TBL1XR1: variants seen among roughly 807,000 people sequenced by gnomAD.
The protein encoded by TBL1XR1 is TBL1X/Y related 1.
TBL1XR1 carries 5 observed loss-of-function variants against 66.9 expected under a neutral mutation model. The observed-to-expected ratio is 0.07, with a 90% CI of 0.04 to 0.16. The LOEUF (loss-of-function observed/expected upper bound fraction) is 0.16. TBL1XR1 is among the 10% of genes least tolerant of loss of function. The pLI is 1.00. For missense variants in TBL1XR1, 238 were observed against 623.2 expected (o/e 0.38, Z 6.58); for synonymous variants, 210 against 206.0 (o/e 1.02, Z -0.17).
rs1488128914 is a variant in TBL1XR1, at chr3:177,197,316, C to G, written c.-317G>C. On this transcript the variant is annotated 5_prime_UTR_variant, in exon 1 of 16. Transcript: ENST00000457928. Reference sequence around the variant, plus strand: ...GGGCGGGCGGGGGCGGGGAGCGCGGCGCGGGTCCCCAGGTGGCGAGCGGAG... The same window carrying G: ...GGGCGGGCGGGGGCGGGGAGCGCGGGGCGGGTCCCCAGGTGGCGAGCGGAG... 2 of 142,556 alleles carry G rather than the reference C, an allele frequency of 1.4e-5. No individual in the cohort carries two copies. The highest frequency in any genetic ancestry group is 5.1e-5 in the African/African-American group (2 of 38,886). 8.8% of individuals were successfully genotyped at this position (142,556 alleles called of 1,614,324 possible). A position where few individuals can be genotyped will look rare whatever the true frequency, so the allele number is the denominator to read the frequency against.
At chr3:177,102,387 ATTT>A (rs949615236) in intron 1 of TBL1XR1, among the ~76,000 whole-genome samples, 1 of 152,090 alleles carries the variant, frequency 6.6e-6, no homozygotes, top group Non-Finnish European at 1.5e-5. Context: ...GCAGGACCAT[ATTT>A]TTTTATTTCT....
At chr3:177,073,768 C>T (rs1019670864) in intron 2 of TBL1XR1, among the ~76,000 whole-genome samples, 6 of 152,098 alleles carry the variant, frequency 3.9e-5, no homozygotes, top group South Asian at 2.1e-4. Context: ...GAAGGTGTAG[C>T]GGAGTGTGGA....
intron 1 of TBL1XR1, among the ~76,000 whole-genome samples, chr3:177,115,527 A>G (rs1303535099): frequency 6.6e-6 from 1 of 152,046 alleles, no homozygotes; most frequent in African/African-American, 2.4e-5. Context: ...TCCTTTGTCC[A>G]CCACAACCGC....
In TBL1XR1 at chr3:177,171,573, G is replaced by A. The variant is rs573256672; in HGVS notation, c.-122+25548C>T. On this transcript the variant is annotated intron_variant, in intron 1 of 15. Transcript: ENST00000457928. ...ATTAACCAGGTGTGGTGTGGTGGCG[G>A]GCGCCTGTAGTCCCAGCTACTCGGG... 1.6e-3 allele frequency among the ~76,000 whole-genome samples: 235 copies of A among 149,350 alleles called. 1 individual carries two copies. The highest frequency in any genetic ancestry group is 2.0e-3 in the Non-Finnish European group (137 of 67,142).
chr3:177,069,144 A>G (rs1719546802), intron 2 of TBL1XR1, among the ~76,000 whole-genome samples: 1 of 152,210 alleles, frequency 6.6e-6, no homozygotes, highest in Non-Finnish European at 1.5e-5. Context: ...AGTCTCCTCT[A>G]CTTCTAAACT....
chr3:177,044,809 C>A (rs777241677), intron 10 of TBL1XR1: 1 of 152,096 alleles, frequency 6.6e-6, no homozygotes, highest in Non-Finnish European at 1.5e-5. Flanking sequence ...AGAAAGAGCA[C>A]CATCTCCAAC....
At chr3:177,095,221 G>A (rs1009364345) in intron 2 of TBL1XR1, among the ~76,000 whole-genome samples, 1 of 152,016 alleles carries the variant, frequency 6.6e-6, no homozygotes, top group Non-Finnish European at 1.5e-5. Flanking sequence ...GGAGAGGGGG[G>A]TGTTGGGAAC....
chr3:177,100,914 G>A (rs1290967077), intron 1 of TBL1XR1, among the ~76,000 whole-genome samples: 1 of 149,804 alleles, frequency 6.7e-6, no homozygotes, highest in Non-Finnish European at 1.5e-5. Flanking sequence ...GGAGTGCAAT[G>A]GCGCGACCTC....
At chr3:177,039,197 G>A (rs773021098) in intron 10 of TBL1XR1, among the ~76,000 whole-genome samples, 4 of 151,766 alleles carry the variant, frequency 2.6e-5, no homozygotes, top group Non-Finnish European at 5.9e-5. Flanking sequence ...CAAATATTCC[G>A]AAATCAGAAA....
intron 1 of TBL1XR1, among the ~76,000 whole-genome samples, chr3:177,125,444 T>G (rs969085145): frequency 6.6e-6 from 1 of 152,162 alleles, no homozygotes; most frequent in Non-Finnish European, 1.5e-5. Context: ...TCACTGCTGG[T>G]GGAAATGCAA....
intron 1 of TBL1XR1, among the ~76,000 whole-genome samples, chr3:177,180,235 CAAAAAA>C (rs34198735): frequency 2.8e-5 from 2 of 72,226 alleles, no homozygotes; most frequent in African/African-American, 1.2e-4. Flanking sequence ...GACTCCGTCT[CAAAAAA>C]AAAAAAAAAA....
At position 177,053,663 on chromosome 3, in the gene TBL1XR1, T is replaced by C. The variant is rs542384589; in HGVS notation, c.204+110A>G. On this transcript the variant is annotated intron_variant, in intron 4 of 15. Transcript: ENST00000457928. ...ATTAGGGATGAACTGCCTGCACTTT[T>C]GTTAACCCTGTGAAGCTAAAGTCAG... is the stretch of plus-strand genomic sequence containing the variant. 2.7e-6 allele frequency: 3 copies of C among 1,094,290 alleles called. No homozygotes were observed. The African/African-American group carries it at 4.7e-5, about 17-fold the overall frequency. The allele number at this position is 1,094,290 out of a possible 1,614,324, so 67.8% of individuals were successfully genotyped here.
chr3:177,174,929 T>G (rs1453564954), intron 1 of TBL1XR1, among the ~76,000 whole-genome samples: 1 of 152,212 alleles, frequency 6.6e-6, no homozygotes. Context: ...CTTTATGATA[T>G]GAGCCCTGCT....
intron 1 of TBL1XR1, among the ~76,000 whole-genome samples, chr3:177,104,630 T>C (rs1724648234): frequency 6.6e-6 from 1 of 152,240 alleles, no homozygotes; most frequent in Non-Finnish European, 1.5e-5. Context: ...TTTCCCATTG[T>C]TACTTAAGCG....
intron 2 of TBL1XR1, among the ~76,000 whole-genome samples, chr3:177,090,517 TAAAAAAAAA>T (rs768136243): frequency 9.8e-6 from 1 of 102,466 alleles, no homozygotes; most frequent in Non-Finnish European, 1.9e-5. Flanking sequence ...CTGTCTCTAC[TAAAAAAAAA>T]AAAAAAAAAA....
At chr3:177,036,307 C>G (rs543203077) in intron 12 of TBL1XR1, among the ~76,000 whole-genome samples, 8 of 152,214 alleles carry the variant, frequency 5.3e-5, no homozygotes, top group Non-Finnish European at 1.2e-4. Flanking sequence ...GCTTACAGTT[C>G]TCTAAGCATC....
rs11362981 is a variant in TBL1XR1, at chr3:177,072,470, C to CA, written c.-45-7449dup. Among the ~76,000 whole-genome samples, 1,209 of 128,858 alleles carry CA rather than the reference C, an allele frequency of 9.4e-3. 7 individuals are homozygous for CA. The highest frequency in any genetic ancestry group is 0.022 in the African/African-American group (784 of 35,330). The allele number at this position is 128,858 out of a possible 152,430, so 84.5% of individuals were successfully genotyped here. The stretch of plus-strand genomic sequence containing the variant: ...TTGTATTTTTTCACCACTATGCACT[C>CA]AAAAAAAAAAAAAAAATTCCCTGAA... On this transcript the variant is annotated intron_variant, in intron 2 of 15. Coordinates refer to ENST00000457928, the MANE Select transcript of TBL1XR1 (RefSeq NM_024665.7).
At chr3:177,142,553 A>G (rs1359176591) in intron 1 of TBL1XR1, among the ~76,000 whole-genome samples, 2 of 152,196 alleles carry the variant, frequency 1.3e-5, no homozygotes, top group Admixed American at 6.5e-5. Flanking sequence ...CACCTGGTGC[A>G]AAGTCCAAGC....
chr3:177,144,111 G>A (rs1258594723), intron 1 of TBL1XR1, among the ~76,000 whole-genome samples: 1 of 152,112 alleles, frequency 6.6e-6, no homozygotes, highest in Non-Finnish European at 1.5e-5. Context: ...TGGGCATGGT[G>A]CTATATGCCT....
Sources: gnomAD v4.1 joint callset for allele counts (sites outside exome capture counted in the v4.1 genomes callset) on GRCh38, gnomAD v4.1.1 for gene constraint, MANE v1.5 for transcripts, NCBI Gene and HGNC (gene_info 2026-07-23, HGNC 2026-07-21) for gene names.